Variants in L3MBTL4 observed in about 807,000 individuals in gnomAD.
L3MBTL4 encodes the protein lethal(3)malignant brain tumor-like protein 4.
Under a neutral mutation model 84.5 loss-of-function variants are expected in L3MBTL4, and 70 were observed. The ratio of observed to expected loss-of-function variants is 0.83; its 90% CI spans 0.68 to 1.01. The LOEUF (loss-of-function observed/expected upper bound fraction) is 1.01. L3MBTL4 is among the 50% of genes least tolerant of loss of function. The pLI, the probability that L3MBTL4 is intolerant of heterozygous loss-of-function variation, is 0.00. For missense variants in L3MBTL4, 715 were observed against 754.8 expected (o/e 0.95, Z 0.62); for synonymous variants, 274 against 259.8 (o/e 1.05, Z -0.52).
intron 1 of L3MBTL4, among the ~76,000 whole-genome samples, chr18:6,381,174 C>T (rs1313293918): frequency 2.6e-5 from 4 of 151,434 alleles, no homozygotes; most frequent in African/African-American, 9.7e-5. Flanking sequence ...TTTTTCTTTC[C>T]ATTTGCTTGG....
At chr18:6,041,332 C>T (rs532878903) in intron 16 of L3MBTL4, among the ~76,000 whole-genome samples, 24 of 152,344 alleles carry the variant, frequency 1.6e-4, no homozygotes, top group African/African-American at 5.5e-4. Flanking sequence ...TCTGCCATCT[C>T]GTCTTCACCA....
intron 17 of L3MBTL4, among the ~76,000 whole-genome samples, chr18:5,966,169 G>A (rs1023640298): frequency 1.3e-5 from 2 of 152,106 alleles, no homozygotes; most frequent in Admixed American, 6.5e-5. Context: ...CCGTGATTTT[G>A]TTTCTGTTAA....
chr18:6,360,719 C>G (rs995668713), intron 1 of L3MBTL4, among the ~76,000 whole-genome samples: 4 of 151,984 alleles, frequency 2.6e-5, no homozygotes, highest in African/African-American at 9.7e-5. Context: ...CAGTGCAGTG[C>G]TAGCTCACGC....
chr18:6,331,319 C>T (rs2052020427), intron 1 of L3MBTL4, among the ~76,000 whole-genome samples: 1 of 152,140 alleles, frequency 6.6e-6, no homozygotes, highest in African/African-American at 2.4e-5. Flanking sequence ...ACTGTTGGAA[C>T]AAGAATCGCT....
In L3MBTL4 at chr18:6,201,315, T is replaced by C. The variant is rs116401958; in HGVS notation, c.981+11834A>G. On this transcript the variant is annotated intron_variant, in intron 12 of 18. Transcript: ENST00000317931. ...TTCAGACACGGATTAAGAGGTGGGT[T>C]TGGTCATGGGAATATCGGCAATTTT... 2.9e-3 allele frequency among the ~76,000 whole-genome samples: 449 copies of C among 152,224 alleles called. 6 individuals are homozygous for C. Among genetic ancestry groups the C allele is most frequent in the African/African-American group, 0.01 (423 of 41,534 alleles).
chr18:6,218,163 G>A lies in L3MBTL4; in HGVS notation c.785-2328C>T, dbSNP rs932803616. On this transcript the variant is annotated intron_variant, in intron 10 of 18. Transcript: ENST00000317931. Reference sequence around the variant, plus strand: ...CTCTAGGCTGCCCGGGCTGGAATGCGGTGGCTCTTCTGACACAGTCATAGA... The same window carrying A: ...CTCTAGGCTGCCCGGGCTGGAATGCAGTGGCTCTTCTGACACAGTCATAGA... 4.6e-5 allele frequency among the ~76,000 whole-genome samples: 7 copies of A among 152,116 alleles called. No homozygotes were observed. In the South Asian group the frequency reaches 6.2e-4, roughly 14 times the overall value.
chr18:6,209,170 G>A (rs1218132842), intron 12 of L3MBTL4, among the ~76,000 whole-genome samples: 1 of 152,058 alleles, frequency 6.6e-6, no homozygotes, highest in Non-Finnish European at 1.5e-5. Context: ...CATCCCAACT[G>A]CACAGCAAAA....
intron 13 of L3MBTL4, among the ~76,000 whole-genome samples, chr18:6,162,256 A>G (rs1347286217): frequency 9.9e-5 from 15 of 152,166 alleles, no homozygotes; most frequent in Admixed American, 9.8e-4. Context: ...TATAGAGTAG[A>G]TTCCATGATC....
At chr18:6,219,241 C>T (rs2046449239) in intron 10 of L3MBTL4, among the ~76,000 whole-genome samples, 1 of 151,850 alleles carries the variant, frequency 6.6e-6, no homozygotes, top group Non-Finnish European at 1.5e-5. Flanking sequence ...CCTGCTGAGA[C>T]TGAAAACCCA....
intron 14 of L3MBTL4, among the ~76,000 whole-genome samples, chr18:6,097,426 G>A (rs981614944): frequency 2.0e-5 from 3 of 152,156 alleles, no homozygotes; most frequent in Admixed American, 1.3e-4. Flanking sequence ...TTTTAATGAC[G>A]TTAGGGTTTG....
intron 12 of L3MBTL4, among the ~76,000 whole-genome samples, chr18:6,183,468 C>T (rs557037802): frequency 6.6e-6 from 1 of 152,330 alleles, no homozygotes; most frequent in East Asian, 1.9e-4. Context: ...TACCCTCTGT[C>T]TTCTCTTCAG....
intron 11 of L3MBTL4, among the ~76,000 whole-genome samples, chr18:6,213,482 A>G (rs1409621296): frequency 6.6e-6 from 1 of 152,118 alleles, no homozygotes; most frequent in Non-Finnish European, 1.5e-5. Flanking sequence ...GTACGATCTC[A>G]GCTCACTGCA....
rs554372897 is a variant in L3MBTL4 at position 6,120,119 on chromosome 18, T to A, written c.1199+18075A>T. 3.8e-4 allele frequency among the ~76,000 whole-genome samples: 58 copies of A among 152,294 alleles called. 2 individuals carry two copies. The highest frequency in any genetic ancestry group is 1.3e-3 in the African/African-American group (55 of 41,570). On this transcript the variant is annotated intron_variant, in intron 14 of 18. Transcript: ENST00000317931. ...AAACAGCACAGATGTGTTTTCAACCTCACTAAACTGTGCAACACACTGAGG... is the reference window on the plus strand; with the variant it reads ...AAACAGCACAGATGTGTTTTCAACCACACTAAACTGTGCAACACACTGAGG...
chr18:6,378,016 C>A (rs1401349023), intron 1 of L3MBTL4, among the ~76,000 whole-genome samples: 1 of 152,188 alleles, frequency 6.6e-6, no homozygotes, highest in Non-Finnish European at 1.5e-5. Context: ...GCCATTCTAA[C>A]TGGTGTTAAG....
intron 16 of L3MBTL4, among the ~76,000 whole-genome samples, chr18:5,982,513 C>A (rs1397392228): frequency 1.3e-5 from 2 of 152,146 alleles, no homozygotes; most frequent in African/African-American, 2.4e-5. Flanking sequence ...AGCACAGAAG[C>A]AGAGAAACCA....
chr18:5,996,174 A>G (rs998107846), intron 16 of L3MBTL4, among the ~76,000 whole-genome samples: 11 of 152,194 alleles, frequency 7.2e-5, no homozygotes, highest in African/African-American at 2.7e-4. Context: ...AAATCCTAGA[A>G]AATGTAGCAT....
At chr18:6,274,084 A>G (rs1297341682) in intron 4 of L3MBTL4, among the ~76,000 whole-genome samples, 1 of 152,236 alleles carries the variant, frequency 6.6e-6, no homozygotes, top group Non-Finnish European at 1.5e-5. Context: ...GAAACCTGAA[A>G]AGGAAAGGAA....
At chr18:6,282,333 A>G (rs765980921) in intron 4 of L3MBTL4, among the ~76,000 whole-genome samples, 10 of 152,236 alleles carry the variant, frequency 6.6e-5, no homozygotes, top group Non-Finnish European at 1.5e-4. Context: ...ATGAGAGCAC[A>G]GAATAGGAGC....
Position 6,377,795 on chromosome 18 carries a change from G to A in L3MBTL4, c.-91+37006C>T, listed in dbSNP as rs148346255. ...CCACAATAAACATACATGTGCATGC[G>A]TCTTTAGAGTAGAATGATTTATGAT... On this transcript the variant is annotated intron_variant, in intron 1 of 18. Coordinates refer to ENST00000317931, the MANE Select transcript of L3MBTL4 (RefSeq NM_001330559.2). Among the ~76,000 whole-genome samples the A allele has an allele frequency of 1.1e-3, 173 of 152,246 alleles. 2 individuals carry two copies. In the East Asian group the frequency reaches 0.028, roughly 25 times the overall value.
Sources: allele counts gnomAD v4.1 joint callset (sites outside exome capture counted in the v4.1 genomes callset), GRCh38; gene constraint gnomAD v4.1.1; transcripts MANE v1.5; gene names NCBI Gene and HGNC (gene_info 2026-07-23, HGNC 2026-07-21).